PEX14: variants seen among roughly 807,000 people sequenced by gnomAD.
PEX14 encodes peroxisomal biogenesis factor 14, also known as peroxisomal membrane protein PEX14.
In PEX14, 15 loss-of-function variants were observed where a neutral mutation model predicts 49.5. That is an observed-to-expected ratio of 0.30 (90% CI 0.20 to 0.47). PEX14 has a LOEUF of 0.47. Among genes scored for constraint, PEX14 ranks in the 20% least tolerant of loss-of-function variants. The probability of loss-of-function intolerance (pLI) is 1.00; values close to 1 mark genes in which losing one functional copy is unlikely to be tolerated. For missense variants in PEX14, 398 were observed against 494.8 expected, an observed-to-expected ratio of 0.80 and a Z score of 1.86; for synonymous variants, 210 against 212.7, an observed-to-expected ratio of 0.99 and a Z score of 0.11.
At chr1:10,521,088 T>G (rs925893833) in intron 2 of PEX14, among the ~76,000 whole-genome samples, 1 of 152,000 alleles carries the variant, frequency 6.6e-6, no homozygotes, top group Non-Finnish European at 1.5e-5. Context: ...TCCATTTCTC[T>G]TTTTCTTCCT....
At chr1:10,518,432 G>A (rs746178646) in intron 2 of PEX14, among the ~76,000 whole-genome samples, 1 of 152,152 alleles carries the variant, frequency 6.6e-6, no homozygotes, top group Non-Finnish European at 1.5e-5. Context: ...GATATTGAGA[G>A]CGTCATCCCG....
At chr1:10,586,431 A>C (rs760611082) in intron 3 of PEX14, among the ~76,000 whole-genome samples, 1 of 152,062 alleles carries the variant, frequency 6.6e-6, no homozygotes, top group African/African-American at 2.4e-5. Context: ...GAAGATGTGC[A>C]CTCTATAATC....
At chr1:10,544,942 T>A (rs894073881) in intron 3 of PEX14, among the ~76,000 whole-genome samples, 4 of 152,106 alleles carry the variant, frequency 2.6e-5, no homozygotes, top group African/African-American at 4.8e-5. Context: ...TTTTTGTATT[T>A]TGGGGAGATA....
chr1:10,591,119 C>T (rs1240550267), intron 3 of PEX14, among the ~76,000 whole-genome samples: 1 of 152,150 alleles, frequency 6.6e-6, no homozygotes, highest in Non-Finnish European at 1.5e-5. Flanking sequence ...CCTCCCATCC[C>T]AAAGCAAATG....
At chr1:10,578,440 A>G (rs1640213766) in intron 3 of PEX14, among the ~76,000 whole-genome samples, 1 of 152,188 alleles carries the variant, frequency 6.6e-6, no homozygotes, top group African/African-American at 2.4e-5. Context: ...CACCAGATCT[A>G]CAGGTGATTT....
Position 10,599,333 on chromosome 1 carries a change from G to C in PEX14, c.265G>C (p.Val89Leu). ...GGGCCCAGCCACACAGGTGGTTCCT[G>C]TCCAGCCCCCTCACCTCATATCTCA... is the stretch of plus-strand genomic sequence containing the variant. ...SLGPATQVVP[V>L]QPPHLISQPY... The change falls in exon 4 of 9, where the codon GTC becomes CTC. Residue 89 changes from valine (V) to leucine (L), a missense_variant. Coordinates refer to ENST00000356607, the MANE Select transcript of PEX14 (RefSeq NM_004565.3). 1 of 1,614,176 alleles carries C rather than the reference G, an allele frequency of 6.2e-7. No homozygotes were observed. The highest frequency in any genetic ancestry group is 1.7e-5 in the Admixed American group (1 of 60,018).
At chr1:10,610,412 C>CAG (rs1273934566) in intron 4 of PEX14, among the ~76,000 whole-genome samples, 34 of 149,296 alleles carry the variant, frequency 2.3e-4, no homozygotes, top group African/African-American at 6.9e-4. Flanking sequence ...TATATATACA[C>CAG]AGAGAGAGAG....
chr1:10,475,126 C>G (rs1641171412), intron 1 of PEX14, 124 bp downstream of exon 1: 10 of 865,640 alleles, frequency 1.2e-5, no homozygotes, highest in Non-Finnish European at 1.7e-5. Context: ...ACCTCTTGCC[C>G]CCTCCTGAGC....
At chr1:10,506,555 GCGTGAGCCACCA>G (rs1641787146) in intron 2 of PEX14, among the ~76,000 whole-genome samples, 4 of 152,382 alleles carry the variant, frequency 2.6e-5, no homozygotes. Context: ...GGGATTACAG[GCGTGAGCCACCA>G]CGCCTGGCTA....
At chr1:10,586,461 A>G (rs1435554963) in intron 3 of PEX14, among the ~76,000 whole-genome samples, 3 of 152,150 alleles carry the variant, frequency 2.0e-5, no homozygotes, top group South Asian at 2.1e-4. Context: ...CCCTAAAAAA[A>G]TACATATTAA....
chr1:10,514,950 G>A lies in PEX14; in HGVS notation c.84+19629G>A, dbSNP rs1641945631. On this transcript the variant is annotated intron_variant, in intron 2 of 8. Coordinates refer to ENST00000356607, the MANE Select transcript of PEX14 (RefSeq NM_004565.3). This position sits in a 1 kb window ranked among gnomAD's most constrained non-coding sequence, Gnocchi z 4.4. ...TTGGGCAAGAACTTGAAAAAGGAGG[G>A]AGAAAATCTCCTTGGGCAAATGCTT... Among the ~76,000 whole-genome samples, 2 of 152,148 alleles carry A rather than the reference G, an allele frequency of 1.3e-5. No individual in the cohort carries two copies. The highest frequency in any genetic ancestry group is 4.8e-5 in the African/African-American group (2 of 41,428).
chr1:10,554,540 C>A (rs1570257617), intron 3 of PEX14, among the ~76,000 whole-genome samples: 1 of 152,130 alleles, frequency 6.6e-6, no homozygotes, highest in East Asian at 1.9e-4. Flanking sequence ...CCGGTTCAGC[C>A]TGATCTTAGA....
intron 3 of PEX14, among the ~76,000 whole-genome samples, chr1:10,589,085 A>G (rs1306838720): frequency 6.6e-6 from 1 of 152,220 alleles, no homozygotes; most frequent in Admixed American, 6.5e-5. Flanking sequence ...AATATTTTTT[A>G]AACATTAATT....
chr1:10,543,354 T>C (rs2124495637), intron 3 of PEX14, among the ~76,000 whole-genome samples: 1 of 152,288 alleles, frequency 6.6e-6, no homozygotes, highest in Admixed American at 6.5e-5. Flanking sequence ...CAGGCTGGTC[T>C]TGAACTCCTG....
rs1194876964 is a variant in PEX14 at position 10,577,592 on chromosome 1, T to A, written c.170-21646T>A. Among the ~76,000 whole-genome samples, 71 of 31,642 alleles carry A rather than the reference T, an allele frequency of 2.2e-3. 3 individuals carry two copies. The highest frequency in any genetic ancestry group is 6.3e-3 in the African/African-American group (44 of 7,022). The allele number at this position is 31,642 out of a possible 152,430, so 20.8% of individuals were successfully genotyped here. On this transcript the variant is annotated intron_variant, in intron 3 of 8. Transcript: ENST00000356607. ...TTTTTTTTTTTTTTTTTTTTTTTTT[T>A]TTTTTTTTTTTTTTTTTTGGACAGA...
chr1:10,617,371 G>GCACTCCCTGATTCACATCCCC (rs1553120577), intron 4 of PEX14, among the ~76,000 whole-genome samples: 1 of 152,070 alleles, frequency 6.6e-6, no homozygotes, highest in Non-Finnish European at 1.5e-5. Flanking sequence ...CAGGGTCATG[G>GCACTCCCTGATTCACATCCCC]CACTCCCTGA....
chr1:10,622,929 A>G (rs1641634900), intron 5 of PEX14, 90 bp from the exon 6 acceptor site: 1 of 872,466 alleles, frequency 1.1e-6, no homozygotes, highest in African/African-American at 1.7e-5. Context: ...CAGGGATGAC[A>G]GGGAGAAAGT....
chr1:10,554,298 C>T (rs1187332488), intron 3 of PEX14, among the ~76,000 whole-genome samples: 6 of 70,246 alleles, frequency 8.5e-5, no homozygotes, highest in African/African-American at 1.6e-4. Context: ...AGCGAGACTC[C>T]GTCTCAAAAA....
intron 3 of PEX14, among the ~76,000 whole-genome samples, chr1:10,541,183 T>C (rs1557834925): frequency 6.6e-6 from 1 of 152,106 alleles, no homozygotes; most frequent in Non-Finnish European, 1.5e-5. Flanking sequence ...AAATGTAGGG[T>C]GACAACCAAG....
Sources: allele counts gnomAD v4.1 joint callset (sites outside exome capture counted in the v4.1 genomes callset), GRCh38; gene constraint gnomAD v4.1.1; non-coding constraint Gnocchi (gnomAD v3.1); transcripts MANE v1.5; gene names NCBI Gene and HGNC (gene_info 2026-07-23, HGNC 2026-07-21).